Variants in NDUFAF6 observed in about 807,000 individuals in gnomAD.
NDUFAF6 encodes NADH dehydrogenase (ubiquinone) complex I, assembly factor 6.
NDUFAF6 carries 45 observed loss-of-function variants against 40.8 expected under a neutral mutation model. The observed-to-expected ratio is 1.10, with a 90% CI of 0.87 to 1.42. The LOEUF is 1.42. NDUFAF6 is among the 40% of genes most tolerant of loss of function. The pLI is 0.00. For missense variants in NDUFAF6, 435 were observed against 418.5 expected, an observed-to-expected ratio of 1.04 and a Z score of -0.34; for synonymous variants, 185 against 155.9, an observed-to-expected ratio of 1.19 and a Z score of -1.39.
intron 5 of NDUFAF6, 138 bp from the exon 6 acceptor site, chr8:95,046,856 A>G: frequency 8.9e-7 from 1 of 1,123,732 alleles, no homozygotes; most frequent in East Asian, 2.5e-5. Context: ...CCAGTTTTTC[A>G]CTCATAAATC....
chr8:95,025,321 C>T (rs1057383846), intron 1 of NDUFAF6, 116 bp downstream of exon 1: 2 of 1,089,150 alleles, frequency 1.8e-6, no homozygotes, highest in South Asian at 2.4e-5. Flanking sequence ...TCCTCGTGCC[C>T]CTCTGGGTGT....
intron 7 of NDUFAF6, among the ~76,000 whole-genome samples, chr8:95,051,728 G>A (rs1173436136): frequency 1.3e-5 from 2 of 152,138 alleles, no homozygotes. Context: ...AAAATGAAAT[G>A]ATGATGTGAG....
intron 2 of NDUFAF6, among the ~76,000 whole-genome samples, chr8:94,948,783 G>A (rs966822301): frequency 5.9e-5 from 9 of 152,112 alleles, no homozygotes; most frequent in African/African-American, 9.7e-5. Context: ...AGTGAGGAGG[G>A]GTGAGAGGAG....
At chr8:94,946,732 G>A (rs191711426) in intron 2 of NDUFAF6, among the ~76,000 whole-genome samples, 3 of 91,908 alleles carry the variant, frequency 3.3e-5, no homozygotes, top group Non-Finnish European at 7.3e-5. Flanking sequence ...ACAGGCCCTG[G>A]AGTTTGAAAT....
At chr8:95,052,613 T>G (rs767243451) in intron 8 of NDUFAF6, among the ~76,000 whole-genome samples, 4 of 152,238 alleles carry the variant, frequency 2.6e-5, no homozygotes, top group Non-Finnish European at 5.9e-5. Context: ...AGTATTACTA[T>G]TCTGTTCATT....
At chr8:95,021,211 T>C (rs573635734), upstream of NDUFAF6, among the ~76,000 whole-genome samples, 6 of 151,838 alleles carry the variant, frequency 4.0e-5, no homozygotes, top group South Asian at 1.3e-3. Context: ...GTAGCTCTCT[T>C]GGGAGTCTGT....
At chr8:95,024,889 G>C (rs1237973374), upstream of NDUFAF6, 2 of 870,622 alleles carry the variant, frequency 2.3e-6, no homozygotes, top group African/African-American at 3.5e-5. Context: ...TCTTCTTTGA[G>C]CGGCGTCCAG....
chr8:95,103,874 T>G (rs977151781), downstream of NDUFAF6, among the ~76,000 whole-genome samples: 1 of 152,232 alleles, frequency 6.6e-6, no homozygotes, highest in Admixed American at 6.5e-5. Flanking sequence ...TTTGTTCTCT[T>G]AATTGATTGG....
intron 1 of NDUFAF6, chr8:94,930,506 C>G (rs986022964): frequency 8.1e-6 from 13 of 1,614,088 alleles, no homozygotes; most frequent in Non-Finnish European, 1.1e-5. Flanking sequence ...GCGGGCAGGG[C>G]TGATGAACAA....
At chr8:94,932,947 T>C (rs1487447137) in intron 1 of NDUFAF6, among the ~76,000 whole-genome samples, 2 of 152,238 alleles carry the variant, frequency 1.3e-5, no homozygotes, top group Non-Finnish European at 2.9e-5. Context: ...CCGAGCACAA[T>C]GGCTCATGAC....
chr8:95,058,430 G>A lies in NDUFAF6; in HGVS notation c.*493G>A, dbSNP rs1832452491. 4 of 1,232,138 alleles carry A rather than the reference G, an allele frequency of 3.2e-6. No individual in the cohort carries two copies. The highest frequency in any genetic ancestry group is 4.0e-6 in the Non-Finnish European group (4 of 988,302). 76.3% of individuals were successfully genotyped at this position (1,232,138 alleles called of 1,614,324 possible). ...ATTTGAGGAATATCAGTCACGTGTT[G>A]TGGGCTTTTATCCTTAACGTTTAAT... On this transcript the variant is annotated 3_prime_UTR_variant, in exon 9 of 9. Transcript: ENST00000396124.
intron 2 of NDUFAF6, among the ~76,000 whole-genome samples, chr8:94,984,884 G>T (rs2131593524): frequency 6.6e-6 from 1 of 152,286 alleles, no homozygotes; most frequent in South Asian, 2.1e-4. Context: ...TGGAGCAGAG[G>T]TTAAAGGCGT....
chr8:95,094,080 C>T (rs1809357913), intron 2 of NDUFAF6, among the ~76,000 whole-genome samples: 1 of 152,076 alleles, frequency 6.6e-6, no homozygotes, highest in Non-Finnish European at 1.5e-5. Context: ...AAGCGATTCT[C>T]CTGCCTCAGC....
At chr8:95,011,908 A>G (rs993575943) in intron 2 of NDUFAF6, among the ~76,000 whole-genome samples, 2 of 152,220 alleles carry the variant, frequency 1.3e-5, no homozygotes, top group Admixed American at 6.5e-5. Context: ...GGGCATGCCT[A>G]TCTCTTTCCT....
At chr8:95,010,030 G>T (rs1827164821) in intron 2 of NDUFAF6, among the ~76,000 whole-genome samples, 2 of 152,130 alleles carry the variant, frequency 1.3e-5, no homozygotes, top group Admixed American at 1.3e-4. Flanking sequence ...GGAAGGTCAA[G>T]TGCCAAGTGG....
At chr8:94,974,559 G>A (rs773173453) in intron 1 of NDUFAF6, 2 of 152,294 alleles carry the variant, frequency 1.3e-5, no homozygotes, top group Non-Finnish European at 2.9e-5. Context: ...CCCAGCTCAA[G>A]CCCTCAGGAT....
downstream of NDUFAF6, among the ~76,000 whole-genome samples, chr8:95,079,503 C>T (rs1808747467): frequency 6.6e-6 from 1 of 151,978 alleles, no homozygotes; most frequent in East Asian, 1.9e-4. Flanking sequence ...GTTTCAGTAC[C>T]CATGACATTC....
intron 1 of NDUFAF6, among the ~76,000 whole-genome samples, chr8:94,900,419 A>C (rs569107633): frequency 6.6e-6 from 1 of 152,150 alleles, no homozygotes; most frequent in African/African-American, 2.4e-5. Flanking sequence ...GAGTCTAGGT[A>C]GATGAGCCTC....
chr8:94,942,329 C>T (rs998946585), intron 1 of NDUFAF6, among the ~76,000 whole-genome samples: 5 of 152,008 alleles, frequency 3.3e-5, no homozygotes, highest in African/African-American at 9.7e-5. Flanking sequence ...CGTGAGCTGC[C>T]GCACCCGCAT....
Sources: gnomAD v4.1 joint callset for allele counts (sites outside exome capture counted in the v4.1 genomes callset) on GRCh38, gnomAD v4.1.1 for gene constraint, MANE v1.5 for transcripts, NCBI Gene and HGNC (gene_info 2026-07-23, HGNC 2026-07-21) for gene names.